KLRG1: variants seen among roughly 807,000 people sequenced by gnomAD.
The protein encoded by KLRG1 is killer cell lectin like receptor G1, also known as killer cell lectin-like receptor subfamily G member 1.
Under a neutral mutation model 21.8 loss-of-function variants are expected in KLRG1, and 16 were observed. The ratio of observed to expected loss-of-function variants is 0.73; its 90% CI spans 0.50 to 1.11. KLRG1 has a LOEUF of 1.11. Among genes scored for constraint, KLRG1 ranks in the 50% most tolerant of loss-of-function variants. The pLI, the probability that KLRG1 is intolerant of heterozygous loss-of-function variation, is 0.00. For synonymous variants in KLRG1, 69 were observed against 75.9 expected (o/e 0.91, Z 0.47); for missense variants, 173 against 218.3 (o/e 0.79, Z 1.31).
intron 1 of KLRG1, among the ~76,000 whole-genome samples, chr12:8,961,587 A>T (rs1946382291): frequency 6.9e-6 from 1 of 145,490 alleles, no homozygotes; most frequent in African/African-American, 2.6e-5. Flanking sequence ...TAATTTTTGT[A>T]TTTTTTTTTT....
the KLRG1 span, among the ~76,000 whole-genome samples, chr12:9,214,593 A>T: frequency 2.0e-5 from 3 of 152,138 alleles, no homozygotes; most frequent in South Asian, 6.2e-4. Flanking sequence ...ATACAGAAAT[A>T]ATTTTACTTT....
At chr12:9,196,787 TTAAG>T in the KLRG1 span, 86 of 971,580 alleles carry the variant, frequency 8.9e-5, no homozygotes, top group East Asian at 1.2e-4. Flanking sequence ...TTTTTTTGCA[TTAAG>T]TAAGTTAATT....
At chr12:9,008,527 T>G (rs1220845528) in intron 3 of KLRG1, among the ~76,000 whole-genome samples, 1 of 152,238 alleles carries the variant, frequency 6.6e-6, no homozygotes, top group African/African-American at 2.4e-5. Flanking sequence ...CTGGATCGCT[T>G]GAACAACAGA....
the KLRG1 span, among the ~76,000 whole-genome samples, chr12:9,053,037 GGC>G: frequency 6.6e-6 from 1 of 152,156 alleles, no homozygotes; most frequent in Non-Finnish European, 1.5e-5. Context: ...ATGAGACAAT[GGC>G]CAGGGCCACC....
At chr12:9,091,466 A>C in the KLRG1 span, 1 of 1,603,820 alleles carries the variant, frequency 6.2e-7, no homozygotes, top group African/African-American at 1.3e-5. Flanking sequence ...GAAAGTAAGC[A>C]GTTAAATACA....
At chr12:8,953,793 T>C (rs1279657601) in intron 1 of KLRG1, among the ~76,000 whole-genome samples, 1 of 152,210 alleles carries the variant, frequency 6.6e-6, no homozygotes. Flanking sequence ...AAAAGAGGAC[T>C]CTATGATACA....
chr12:9,068,360 T>G, the KLRG1 span: 1 of 871,810 alleles, frequency 1.1e-6, no homozygotes, highest in African/African-American at 1.7e-5. Context: ...ATAAGCATCA[T>G]TCATCTGATG....
upstream of KLRG1, among the ~76,000 whole-genome samples, chr12:8,987,842 C>A (rs1343911379): frequency 6.6e-6 from 1 of 152,148 alleles, no homozygotes; most frequent in African/African-American, 2.4e-5. Context: ...GATTTCCTTT[C>A]TAAGACTAAT....
the KLRG1 span, chr12:9,160,504 A>G: frequency 6.2e-7 from 1 of 1,606,108 alleles, no homozygotes; most frequent in South Asian, 1.1e-5. Flanking sequence ...GGGAATGTGA[A>G]AGATTAGATG....
At chr12:9,059,095 A>C in the KLRG1 span, among the ~76,000 whole-genome samples, 1 of 152,242 alleles carries the variant, frequency 6.6e-6, no homozygotes, top group African/African-American at 2.4e-5. Context: ...TATTCATATG[A>C]TTAAGTAACA....
At chr12:9,170,701 C>A in the KLRG1 span, among the ~76,000 whole-genome samples, 2 of 152,176 alleles carry the variant, frequency 1.3e-5, no homozygotes, top group African/African-American at 2.4e-5. This position sits in a 1 kb window ranked among gnomAD's most constrained non-coding sequence, Gnocchi z 4.6. Flanking sequence ...AACGGTCCCC[C>A]ACGATGCAGC....
the KLRG1 span, among the ~76,000 whole-genome samples, chr12:9,197,748 TAATATATATAATTATATATTATACAATAC>T: frequency 1.7e-4 from 15 of 89,238 alleles, no homozygotes; most frequent in Non-Finnish European, 2.9e-4. Flanking sequence ...ATACAATACA[TAATATATATAATTATATATTATACAATAC>T]ATAATATATA....
the KLRG1 span, among the ~76,000 whole-genome samples, chr12:9,033,441 T>A: frequency 0.24 from 34,846 of 145,794 alleles, 4,651 homozygotes; most frequent in South Asian, 0.33. Flanking sequence ...TGAGACTCTT[T>A]AAAAAAAAAA....
At chr12:9,184,918 G>GA in the KLRG1 span, among the ~76,000 whole-genome samples, 1 of 152,104 alleles carries the variant, frequency 6.6e-6, no homozygotes, top group Admixed American at 6.5e-5. Context: ...AGGATAAAAG[G>GA]AAAAAATCAA....
the KLRG1 span, among the ~76,000 whole-genome samples, chr12:9,075,076 A>G: frequency 6.6e-6 from 1 of 152,110 alleles, no homozygotes; most frequent in Non-Finnish European, 1.5e-5. Flanking sequence ...GAGTCTGGCT[A>G]TTTCCTATTT....
At chr12:9,036,691 C>A in the KLRG1 span, 1 of 255,186 alleles carries the variant, frequency 3.9e-6, no homozygotes, top group South Asian at 5.2e-5. Context: ...ACCTTCTTAG[C>A]AATCACAGGA....
At chr12:9,002,697 G>A (rs576736814) in intron 3 of KLRG1, among the ~76,000 whole-genome samples, 1 of 151,770 alleles carries the variant, frequency 6.6e-6, no homozygotes, top group East Asian at 1.9e-4. Flanking sequence ...CTCCTAAGTA[G>A]CTGGGACTAC....
intron 2 of KLRG1, among the ~76,000 whole-genome samples, chr12:8,992,523 A>T (rs928373665): frequency 6.6e-6 from 1 of 151,746 alleles, no homozygotes. Flanking sequence ...GGTCTCCCTC[A>T]ATCAGCCAGG....
chr12:8,996,709 G>A (rs1408606845), intron 3 of KLRG1: 1 of 151,980 alleles, frequency 6.6e-6, no homozygotes, highest in East Asian at 1.9e-4. Flanking sequence ...TTCTCTAAGT[G>A]AGGTGGCAGA....
Sources: gnomAD v4.1 joint callset for allele counts (sites outside exome capture counted in the v4.1 genomes callset) on GRCh38, gnomAD v4.1.1 for gene constraint, Gnocchi (gnomAD v3.1) non-coding constraint, MANE v1.5 for transcripts, NCBI Gene and HGNC (gene_info 2026-07-23, HGNC 2026-07-21) for gene names.